Variants in FAT1 observed in about 807,000 individuals in gnomAD.
The protein encoded by FAT1 is FAT atypical cadherin 1.
A neutral mutation model predicts 329.8 loss-of-function variants in FAT1; 171 were observed. The observed-to-expected ratio is 0.52, with a 90% CI of 0.46 to 0.59. The LOEUF (loss-of-function observed/expected upper bound fraction) is 0.59. Among genes scored for constraint, FAT1 ranks in the 20% least tolerant of loss-of-function variants. FAT1 has a pLI of 0.00. For synonymous variants in FAT1, 2,233 were observed against 2,228.6 expected, an observed-to-expected ratio of 1.00 and a Z score of -0.06; for missense variants, 5,672 against 5,774.4, an observed-to-expected ratio of 0.98 and a Z score of 0.57.
chr4:186,710,814 A>T (rs947178238), intron 1 of FAT1, among the ~76,000 whole-genome samples: 5 of 152,222 alleles, frequency 3.3e-5, no homozygotes, highest in Non-Finnish European at 7.3e-5. Flanking sequence ...CTATTAATAC[A>T]TGGTGGCAGA....
intron 3 of FAT1, among the ~76,000 whole-genome samples, chr4:186,645,721 G>T (rs1223680125): frequency 6.6e-6 from 1 of 151,670 alleles, no homozygotes; most frequent in Non-Finnish European, 1.5e-5. Context: ...CAAGGCAGGT[G>T]AATCACTTGA....
chr4:186,623,876 A>T (rs1486409773), intron 9 of FAT1, among the ~76,000 whole-genome samples: 1 of 152,114 alleles, frequency 6.6e-6, no homozygotes, highest in Non-Finnish European at 1.5e-5. Context: ...ATCCTCTATT[A>T]TCTGGGGCAT....
At chr4:186,649,410 T>C (rs1254125338) in intron 3 of FAT1, among the ~76,000 whole-genome samples, 1 of 152,240 alleles carries the variant, frequency 6.6e-6, no homozygotes, top group Non-Finnish European at 1.5e-5. Context: ...CATACAACCC[T>C]GGAAGCTGTG....
chr4:186,628,121 A>G (rs2126541279), intron 9 of FAT1, 33 bp downstream of exon 9: 1 of 1,599,938 alleles, frequency 6.3e-7, no homozygotes, highest in Middle Eastern at 1.7e-4. Context: ...AACAACTGCA[A>G]ATTTAAAATG....
upstream of FAT1, among the ~76,000 whole-genome samples, chr4:186,724,818 GGGACTCA>G (rs1745660734): frequency 6.6e-6 from 1 of 152,200 alleles, no homozygotes; most frequent in Admixed American, 6.5e-5. This position sits in a 1 kb window ranked among gnomAD's most constrained non-coding sequence, Gnocchi z 5.3. Context: ...GAAAGTTTGT[GGGACTCA>G]GGCATTTTAA....
Position 186,628,652 on chromosome 4 carries a change from T to A in FAT1, c.4435A>T (p.Ser1479Cys). Residue 1479 changes from serine to cysteine, a missense_variant, in exon 8 of 27, where the codon AGT becomes TGT. Ser to Cys is a moderately radical substitution (Grantham distance 112, BLOSUM62 -1). This residue lies in a region of FAT1 where 3,966 missense variants were observed against 3,915.2 expected (regional missense o/e 1.01). Transcript: ENST00000441802. Reference protein sequence around the residue: ...TAPETEILQISAVDQDEKNKL... With the variant: ...TAPETEILQICAVDQDEKNKL... ...TTTTTCTCATCCTGATCCACAGCAC[T>A]GATTTGCAAAATTTCTGTTTCTGGC... is the stretch of plus-strand genomic sequence containing the variant. 1 of 1,614,046 alleles carries A rather than the reference T, an allele frequency of 6.2e-7. No homozygotes were observed. Among genetic ancestry groups the A allele is most frequent in the Non-Finnish European group, 8.5e-7 (1 of 1,179,912 alleles).
In FAT1 at chr4:186,708,302, G is replaced by T. The variant is rs780796862; in HGVS notation, c.1526C>A (p.Pro509Gln). 1.2e-6 allele frequency: 2 copies of T among 1,613,920 alleles called. No individual in the cohort carries two copies. Among genetic ancestry groups the T allele is most frequent in the Non-Finnish European group, 8.5e-7 (1 of 1,179,888 alleles). ...TYSIANLNHV[P>Q]FAIDHFTGAV... ...ACCAGTGAAATGGTCAATCGCAAAC[G>T]GCACATGATTTAAATTTGCGATACT... Residue 509 changes from proline to glutamine, a missense_variant, in exon 2 of 27, where the codon CCG becomes CAG. Physicochemically the swap from Pro to Gln is moderately conservative, Grantham distance 76. This residue lies in a region of FAT1 where 3,966 missense variants were observed against 3,915.2 expected (regional missense o/e 1.01). Transcript: ENST00000441802.
In FAT1 at chr4:186,630,720, CCA is replaced by C. The variant is rs201975579; in HGVS notation, c.4324-1959_4324-1958del. ...TCCAAAAGGACGATTATCACCACCC[CCA>C]CTTTGTAGATGAGAACATGGACACA... On this transcript the variant is annotated intron_variant, in intron 7 of 26. Coordinates refer to ENST00000441802, the MANE Select transcript of FAT1 (RefSeq NM_005245.4). Among the ~76,000 whole-genome samples the C allele has an allele frequency of 9.6e-3, 1,456 of 152,178 alleles. 27 individuals carry two copies. Among genetic ancestry groups the C allele is most frequent in the African/African-American group, 0.034 (1,398 of 41,518 alleles).
chr4:186,599,447 C>G (rs2126407528), intron 22 of FAT1, among the ~76,000 whole-genome samples: 1 of 152,296 alleles, frequency 6.6e-6, no homozygotes, highest in African/African-American at 2.4e-5. Flanking sequence ...GGCAACACTT[C>G]AGGAGGGATT....
At chr4:186,699,373 T>C (rs537872549) in intron 2 of FAT1, among the ~76,000 whole-genome samples, 73 of 152,260 alleles carry the variant, frequency 4.8e-4, no homozygotes, top group African/African-American at 1.2e-3. Flanking sequence ...ATTCAACAGG[T>C]TGAGCCACTC....
chr4:186,703,746 C>T (rs1234823457), intron 2 of FAT1, among the ~76,000 whole-genome samples: 2 of 152,220 alleles, frequency 1.3e-5, no homozygotes, highest in Admixed American at 6.5e-5. Flanking sequence ...CCAAGGCACA[C>T]CAAGCTGTAG....
intron 3 of FAT1, among the ~76,000 whole-genome samples, chr4:186,643,181 G>A (rs1227362109): frequency 6.6e-6 from 1 of 152,116 alleles, no homozygotes; most frequent in African/African-American, 2.4e-5. Context: ...GCCCCCAGGG[G>A]CCGGTGACGA....
At chr4:186,610,643 T>C (rs1191669361) in intron 14 of FAT1, among the ~76,000 whole-genome samples, 1 of 94,800 alleles carries the variant, frequency 1.1e-5, no homozygotes, top group African/African-American at 3.4e-5. Context: ...ATAATTTATA[T>C]AATTTATATA....
Position 186,709,433 on chromosome 4 carries a change from C to A in FAT1, c.395G>T (p.Arg132Leu), listed in dbSNP as rs770123806. The part of the protein sequence containing the change: ...ALEKNTNVEA[R>L]TKVRVQVLDT... ...CAGCACCTGCACCCTGACCTTTGTT[C>A]GCGCCTCCACATTAGTATTTTTTTC... The change falls in exon 2 of 27, where the codon CGA becomes CTA. Residue 132 changes from arginine (R) to leucine (L), a missense_variant. Arg to Leu is a moderately radical substitution (Grantham distance 102). This residue lies in a region of FAT1 where 3,966 missense variants were observed against 3,915.2 expected (regional missense o/e 1.01). Coordinates refer to ENST00000441802, the MANE Select transcript of FAT1 (RefSeq NM_005245.4). 3 of 1,613,884 alleles carry A rather than the reference C, an allele frequency of 1.9e-6. No individual in the cohort carries two copies. Among genetic ancestry groups the A allele is most frequent in the Admixed American group, 1.7e-5 (1 of 60,008 alleles).
chr4:186,707,757 T>G lies in FAT1; in HGVS notation c.2071A>C (p.Asn691His), dbSNP rs750788232. 2 of 1,613,752 alleles carry G rather than the reference T, an allele frequency of 1.2e-6. No individual in the cohort carries two copies. The highest frequency in any genetic ancestry group is 2.2e-5 in the South Asian group (2 of 91,078). The change falls in exon 2 of 27, where the codon AAT (asparagine) becomes CAT (histidine). Residue 691 changes from asparagine to histidine, a missense_variant. Asn to His is a moderately conservative substitution (Grantham distance 68). Transcript: ENST00000441802. ...KMLAEKLLQA[N>H]KLHNQGEVED... ...ACCTCTCCCTGGTTGTGTAATTTAT[T>G]TGCCTGCAGGAGCTTCTCTGCCAGC...
intron 3 of FAT1, among the ~76,000 whole-genome samples, chr4:186,642,693 T>C (rs1409843891): frequency 6.6e-6 from 1 of 152,164 alleles, no homozygotes; most frequent in Non-Finnish European, 1.5e-5. Context: ...GGCGGCACCC[T>C]GCGGGTATTT....
Position 186,708,004 on chromosome 4 carries a change from A to C in FAT1, c.1824T>G (p.Ala608=). The C allele has an allele frequency of 6.2e-7, 1 of 1,613,970 alleles. No individual in the cohort carries two copies. Among genetic ancestry groups the C allele is most frequent in the Non-Finnish European group, 8.5e-7 (1 of 1,179,878 alleles). Reference sequence around the variant, plus strand: ...AACTAAAGAAATCCAGTTCATTTCCAGCTTCAATCTGATACTGTACCAACT... The same window carrying C: ...AACTAAAGAAATCCAGTTCATTTCCCGCTTCAATCTGATACTGTACCAACT... ...ELQLVQYQIE[A]GNELDFFSLN... The change falls in exon 2 of 27, where the codon GCT becomes GCG. Residue 608 remains alanine (A), a synonymous_variant. Coordinates refer to ENST00000441802, the MANE Select transcript of FAT1 (RefSeq NM_005245.4).
intron 2 of FAT1, among the ~76,000 whole-genome samples, chr4:186,701,663 G>A (rs905611082): frequency 4.6e-5 from 7 of 152,168 alleles, no homozygotes; most frequent in Non-Finnish European, 7.4e-5. Context: ...GTCAGGATCC[G>A]GGGCCCGTCA....
Position 186,609,964 on chromosome 4 carries a change from T to C in FAT1, c.9905A>G (p.Tyr3302Cys). 1 of 1,613,606 alleles carries C rather than the reference T, an allele frequency of 6.2e-7. No homozygotes were observed. The highest frequency in any genetic ancestry group is 8.5e-7 in the Non-Finnish European group (1 of 1,179,564). Reference sequence around the variant, plus strand: ...TCCATCAGTGGCCTCTACTGTTAGGTAATACTCATGAGAGCTCTCATAATC... The same window carrying C: ...TCCATCAGTGGCCTCTACTGTTAGGCAATACTCATGAGAGCTCTCATAATC... ...NLDYESSHEY[Y>C]LTVEATDGGT... Residue 3302 changes from tyrosine (Y) to cysteine (C), a missense_variant, in exon 15 of 27, where the codon TAC becomes TGC. This residue lies in a region of FAT1 where 1,706 missense variants were observed against 1,859.1 expected (regional missense o/e 0.92). Coordinates refer to ENST00000441802, the MANE Select transcript of FAT1 (RefSeq NM_005245.4).
Sources: allele counts gnomAD v4.1 joint callset (sites outside exome capture counted in the v4.1 genomes callset), GRCh38; gene constraint gnomAD v4.1.1; regional missense constraint gnomAD v4.1.1; non-coding constraint Gnocchi (gnomAD v3.1); transcripts MANE v1.5; gene names NCBI Gene and HGNC (gene_info 2026-07-23, HGNC 2026-07-21).